Variants in TMEM132E observed in about 807,000 individuals in gnomAD.
TMEM132E encodes transmembrane protein 132E.
Under a neutral mutation model 78.5 loss-of-function variants are expected in TMEM132E, and 49 were observed. That is an observed-to-expected ratio of 0.62 (90% confidence interval 0.50 to 0.79). TMEM132E has a LOEUF of 0.79. Among genes scored for constraint, TMEM132E ranks in the 30% least tolerant of loss-of-function variants. The pLI is 0.00. For synonymous variants in TMEM132E, 715 were observed against 670.6 expected (o/e 1.07, Z -1.02); for missense variants, 1,403 against 1,470.9 (o/e 0.95, Z 0.75).
Position 34,626,700 on chromosome 17 carries a change from A to G in TMEM132E, c.641A>G (p.Lys214Arg). 4 of 1,387,630 alleles carry G rather than the reference A, an allele frequency of 2.9e-6. No homozygotes were observed. Among genetic ancestry groups the G allele is most frequent in the Non-Finnish European group, 3.8e-6 (4 of 1,060,830 alleles). 86.0% of individuals were successfully genotyped at this position (1,387,630 alleles called of 1,614,324 possible). The part of the protein sequence containing the change: ...APAAPPTARR[K>R]SPDGLEPEAT... The stretch of plus-strand genomic sequence containing the variant: ...GCTGCGCCACCCACGGCCCGCCGCA[A>G]GTCCCCGGACGGGCTGGAGCCCGAG... The change falls in exon 2 of 9, where the codon AAG becomes AGG. Residue 214 changes from lysine to arginine, a missense_variant. Around this residue, in one of 3 missense-constraint regions of TMEM132E, gnomAD observed 511 missense variants for 499.0 expected, o/e 1.02. Coordinates refer to ENST00000631683, the MANE Select transcript of TMEM132E (RefSeq NM_001304438.2).
intron 1 of TMEM132E, among the ~76,000 whole-genome samples, chr17:34,591,028 CT>C (rs1369152077): frequency 6.6e-6 from 1 of 152,184 alleles, no homozygotes; most frequent in African/African-American, 2.4e-5. Flanking sequence ...GACTCTGCCG[CT>C]TACCAGCAGC....
intron 5 of TMEM132E, among the ~76,000 whole-genome samples, chr17:34,630,998 G>C (rs959556223): frequency 2.6e-5 from 4 of 152,162 alleles, no homozygotes; most frequent in Non-Finnish European, 5.9e-5. Flanking sequence ...GTCCAGCCCT[G>C]GTAACTGTGG....
At chr17:34,613,215 G>GCGCA (rs1906665161) in intron 1 of TMEM132E, among the ~76,000 whole-genome samples, 1 of 124,338 alleles carries the variant, frequency 8.0e-6, no homozygotes, top group Non-Finnish European at 1.8e-5. Context: ...ACACACACGC[G>GCGCA]CGCGCGCGCG....
At position 34,627,466 on chromosome 17, in the gene TMEM132E, T is replaced by TCGTGTGTGCGTGCGCGCGCGCG. The variant is rs1301258773; in HGVS notation, c.998+417_998+418insCGTGCGCGCGCGCGCGTGTGTG. ...GCCTCTTGGCTGGGAGCCAAAAGAA[T>TCGTGTGTGCGTGCGCGCGCGCG]CGTGTGTGTGTGTGTGTGTGTGTGT... On this transcript the variant is annotated intron_variant, in intron 2 of 8. Transcript: ENST00000631683. 4.8e-3 allele frequency among the ~76,000 whole-genome samples: 119 copies of TCGTGTGTGCGTGCGCGCGCGCG among 24,986 alleles called. 1 individual carries two copies. Among genetic ancestry groups the TCGTGTGTGCGTGCGCGCGCGCG allele is most frequent in the African/African-American group, 0.014 (112 of 7,800 alleles). The allele number at this position is 24,986 out of a possible 152,430, so 16.4% of individuals were successfully genotyped here. A position where few individuals can be genotyped will look rare whatever the true frequency, so the allele number is the denominator to read the frequency against.
Position 34,581,103 on chromosome 17 carries a change from C to A in TMEM132E, c.27C>A (p.Gly9=). The change falls in exon 1 of 9, where the codon GGC becomes GGA. Residue 9 remains glycine (G), a synonymous_variant. Coordinates refer to ENST00000631683, the MANE Select transcript of TMEM132E (RefSeq NM_001304438.2). ...TGGCCCCGGGGATGTCGGGCCGCGG[C>A]GGCGCCGCCCTGCTCTGCCTCTCAG... MAPGMSGR[G]GAALLCLSAL... is the part of the protein sequence containing the mutation. 6.5e-7 allele frequency: 1 copy of A among 1,539,140 alleles called. No individual in the cohort carries two copies. Among genetic ancestry groups the A allele is most frequent in the South Asian group, 1.2e-5 (1 of 83,000 alleles).
rs761279519 is a variant in TMEM132E at position 34,638,262 on chromosome 17, C to CCG, written c.*31_*32insGC. On this transcript the variant is annotated 3_prime_UTR_variant, in exon 9 of 9. Coordinates refer to ENST00000631683, the MANE Select transcript of TMEM132E (RefSeq NM_001304438.2). ...GCCAGCCGGAGTAGCAGGGACCCCC[C>CCG]CCCCCAACGGGGTCAGCTCGGGGTA... is the stretch of plus-strand genomic sequence containing the variant. 7 of 1,473,586 alleles carry CCG rather than the reference C, an allele frequency of 4.8e-6. No individual in the cohort carries two copies. In the East Asian group the frequency reaches 1.3e-4, roughly 27 times the overall value. 91.3% of individuals were successfully genotyped at this position (1,473,586 alleles called of 1,614,324 possible). A position where few individuals can be genotyped will look rare whatever the true frequency, so the allele number is the denominator to read the frequency against.
chr17:34,630,151 G>C lies in TMEM132E; in HGVS notation c.1482G>C (p.Lys494Asn), dbSNP rs778543780. 6.2e-7 allele frequency: 1 copy of C among 1,608,578 alleles called. No individual in the cohort carries two copies. The highest frequency in any genetic ancestry group is 8.5e-7 in the Non-Finnish European group (1 of 1,175,644). Residue 494 changes from lysine (K) to asparagine (N), a missense_variant and splice_region_variant, in exon 5 of 9, where the codon AAG becomes AAC. Transcript: ENST00000631683. ...ECESDNEDII[K>N]VSSSCDYVFV... ...AGTCTGACAATGAAGACATCATCAA[G>C]GTGGGCATCCTGGAGGTGGGGCCCC...
At chr17:34,607,583 A>G (rs1363213371) in intron 1 of TMEM132E, among the ~76,000 whole-genome samples, 1 of 152,162 alleles carries the variant, frequency 6.6e-6, no homozygotes, top group Non-Finnish European at 1.5e-5. Flanking sequence ...CACAGACTCC[A>G]CAGGTTAAAG....
At chr17:34,627,167 C>G (rs1032188947) in intron 2 of TMEM132E, 110 bp downstream of exon 2, 24 of 1,194,776 alleles carry the variant, frequency 2.0e-5, no homozygotes, top group Admixed American at 4.0e-5. Flanking sequence ...GTATCCCTGT[C>G]CAGCATCCTA....
In TMEM132E at chr17:34,626,701, G is replaced by A. The variant is rs2142079699; in HGVS notation, c.642G>A (p.Lys214=). The change falls in exon 2 of 9, where the codon AAG becomes AAA. Residue 214 remains lysine, a synonymous_variant. Transcript: ENST00000631683. The part of the protein sequence containing the change: ...APAAPPTARR[K]SPDGLEPEAT... ...CTGCGCCACCCACGGCCCGCCGCAA[G>A]TCCCCGGACGGGCTGGAGCCCGAGG... is the stretch of plus-strand genomic sequence containing the variant. The A allele has an allele frequency of 1.4e-6, 2 of 1,387,862 alleles. No individual in the cohort carries two copies. The highest frequency in any genetic ancestry group is 3.0e-5 in the South Asian group (2 of 66,084). The allele number at this position is 1,387,862 out of a possible 1,614,324, so 86.0% of individuals were successfully genotyped here. A position where few individuals can be genotyped will look rare whatever the true frequency, so the allele number is the denominator to read the frequency against.
At chr17:34,589,319 GA>G (rs906181265) in intron 1 of TMEM132E, among the ~76,000 whole-genome samples, 15 of 152,290 alleles carry the variant, frequency 9.8e-5, no homozygotes, top group African/African-American at 3.4e-4. Flanking sequence ...GACCAGGAGG[GA>G]GGGGAAAGGG....
chr17:34,580,871 C>T lies in TMEM132E; in HGVS notation c.-206C>T. The T allele has an allele frequency of 2.2e-6, 1 of 464,556 alleles. No individual in the cohort carries two copies. The allele number at this position is 464,556 out of a possible 1,614,324, so 28.8% of individuals were successfully genotyped here. A position where few individuals can be genotyped will look rare whatever the true frequency, so the allele number is the denominator to read the frequency against. On this transcript the variant is annotated 5_prime_UTR_variant, in exon 1 of 9. Transcript: ENST00000631683. ...GGCTCCTCCCGCCCGGAGCTGCGCC[C>T]CCACCGGCTCCGAGGGTGTAGCCGC...
chr17:34,633,529 G>A (rs759429173), intron 6 of TMEM132E, among the ~76,000 whole-genome samples: 2 of 152,224 alleles, frequency 1.3e-5, no homozygotes, highest in Non-Finnish European at 2.9e-5. Flanking sequence ...TGTACTCACC[G>A]CATTCCAATC....
chr17:34,628,460 T>A lies in TMEM132E; in HGVS notation c.999-103T>A, dbSNP rs563854697. 4.9e-3 allele frequency: 6,771 copies of A among 1,374,060 alleles called. 28 individuals are homozygous for A. The highest frequency in any genetic ancestry group is 7.0e-3 in the Middle Eastern group (38 of 5,424). The allele number at this position is 1,374,060 out of a possible 1,614,324, so 85.1% of individuals were successfully genotyped here. A position where few individuals can be genotyped will look rare whatever the true frequency, so the allele number is the denominator to read the frequency against. ...CCAGGACTCGGGGTAACTTAGCTTATCTGTTCCCCCTCCCCCCAGTACAGT... is the reference window on the plus strand; with the variant it reads ...CCAGGACTCGGGGTAACTTAGCTTAACTGTTCCCCCTCCCCCCAGTACAGT... On this transcript the variant is annotated intron_variant, in intron 2 of 8. Coordinates refer to ENST00000631683, the MANE Select transcript of TMEM132E (RefSeq NM_001304438.2).
At chr17:34,588,201 C>T (rs542460578) in intron 1 of TMEM132E, among the ~76,000 whole-genome samples, 1 of 152,290 alleles carries the variant, frequency 6.6e-6, no homozygotes, top group East Asian at 1.9e-4. Flanking sequence ...ACTCCATTGC[C>T]TACTCAGCTG....
rs56879769 is a variant in TMEM132E, at chr17:34,630,095, G to A, written c.1426G>A (p.Val476Ile). ...CATTGCCATCGAGGTGAATGGCCTC[G>A]TCCTGGACATCTCCGCCCTAGTGGA... ...KVIAIEVNGL[V>I]LDISALVECE... The change falls in exon 5 of 9, where the codon GTC becomes ATC. Residue 476 changes from valine (V) to isoleucine (I), a missense_variant. Val to Ile is a conservative substitution (Grantham distance 29, BLOSUM62 3). This residue lies in a region of TMEM132E where 888 missense variants were observed against 952.8 expected (regional missense o/e 0.93). Transcript: ENST00000631683. 49,893 of 1,613,556 alleles carry A rather than the reference G, an allele frequency of 0.031. 1,035 individuals carry two copies. Among genetic ancestry groups the A allele is most frequent in the African/African-American group, 0.095 (7,126 of 74,954 alleles).
At chr17:34,598,542 C>T (rs897852114) in intron 1 of TMEM132E, among the ~76,000 whole-genome samples, 2 of 152,058 alleles carry the variant, frequency 1.3e-5, no homozygotes, top group Non-Finnish European at 1.5e-5. Context: ...CAGGCAGAGG[C>T]GGGGCCTACC....
chr17:34,631,850 A>G (rs1597692315), intron 5 of TMEM132E, among the ~76,000 whole-genome samples: 1 of 152,370 alleles, frequency 6.6e-6, no homozygotes, highest in South Asian at 2.1e-4. Flanking sequence ...ATGCATGTAC[A>G]CACAGGATCC....
intron 1 of TMEM132E, among the ~76,000 whole-genome samples, chr17:34,600,038 T>C (rs577206631): frequency 1.7e-4 from 26 of 152,178 alleles, no homozygotes; most frequent in South Asian, 4.1e-4. Flanking sequence ...AAGAAGAACA[T>C]AGAAAAAGTG....
Sources: gnomAD v4.1 joint callset for allele counts (sites outside exome capture counted in the v4.1 genomes callset) on GRCh38, gnomAD v4.1.1 for gene constraint, gnomAD v4.1.1 regional missense constraint, MANE v1.5 for transcripts, NCBI Gene and HGNC (gene_info 2026-07-23, HGNC 2026-07-21) for gene names.